IL1RAPL2: variants seen among roughly 807,000 people sequenced by gnomAD.
IL1RAPL2 encodes the protein interleukin 1 receptor accessory protein like 2, also known as X-linked interleukin-1 receptor accessory protein-like 2.
Under a neutral mutation model 44.1 loss-of-function variants are expected in IL1RAPL2, and 3 were observed. The observed-to-expected ratio is 0.07, with a 90% CI of 0.03 to 0.18. IL1RAPL2 has a LOEUF of 0.18. IL1RAPL2 is among the 10% of genes least tolerant of loss of function. IL1RAPL2 has a pLI of 1.00. For synonymous variants in IL1RAPL2, 181 were observed against 178.8 expected (o/e 1.01, Z -0.10); for missense variants, 391 against 496.4 (o/e 0.79, Z 2.02).
At chrX:105,521,101 A>ATT (rs560910539) in intron 6 of IL1RAPL2, among the ~76,000 whole-genome samples, 4,728 of 90,662 alleles carry the variant, frequency 0.052, 252 homozygotes, top group African/African-American at 0.14. Context: ...AGCCCGGCTA[A>ATT]TTTTTTTTTT....
chrX:104,846,872 T>C (rs2147638843), intron 2 of IL1RAPL2, among the ~76,000 whole-genome samples: 1 of 111,854 alleles, frequency 8.9e-6, no homozygotes, highest in African/African-American at 3.3e-5. Flanking sequence ...TTTCCTGACT[T>C]TTTAATAGTC....
intron 5 of IL1RAPL2, among the ~76,000 whole-genome samples, chrX:105,330,700 C>T (rs2034979412): frequency 9.0e-6 from 1 of 111,548 alleles, no homozygotes; most frequent in Non-Finnish European, 1.9e-5. Context: ...TCACACAAAC[C>T]TGAAATCCAA....
chrX:105,482,449 C>T (rs1233730379), intron 5 of IL1RAPL2, among the ~76,000 whole-genome samples: 2 of 111,529 alleles, frequency 1.8e-5, no homozygotes, highest in Admixed American at 1.9e-4. Context: ...TGTTCAATTC[C>T]ATAAGGACAA....
At chrX:105,204,634 T>C (rs1556149885) in intron 3 of IL1RAPL2, among the ~76,000 whole-genome samples, 1 of 112,393 alleles carries the variant, frequency 8.9e-6, no homozygotes, top group East Asian at 2.8e-4. Context: ...GACTCTTCTA[T>C]ACCTAACACT....
chrX:105,458,912 G>T (rs1284861519), intron 5 of IL1RAPL2, among the ~76,000 whole-genome samples: 2 of 111,375 alleles, frequency 1.8e-5, no homozygotes, highest in Admixed American at 9.6e-5. Flanking sequence ...TCCTCCAATG[G>T]CTGCTAGGCT....
At chrX:105,691,346 C>G (rs763958667) in intron 6 of IL1RAPL2, among the ~76,000 whole-genome samples, 1 of 110,849 alleles carries the variant, frequency 9.0e-6, no homozygotes, top group Admixed American at 9.8e-5. Flanking sequence ...CTTAATTGAA[C>G]TTGAGCTTAA....
intron 2 of IL1RAPL2, among the ~76,000 whole-genome samples, chrX:105,113,691 T>C (rs1430303779): frequency 4.5e-5 from 5 of 112,096 alleles, no homozygotes; most frequent in Non-Finnish European, 9.4e-5. Flanking sequence ...AGTCTCCATC[T>C]ATCTGTCCTG....
chrX:105,403,800 ATT>A (rs1441940997), intron 5 of IL1RAPL2, among the ~76,000 whole-genome samples: 2 of 110,882 alleles, frequency 1.8e-5, no homozygotes, highest in Non-Finnish European at 3.8e-5. Flanking sequence ...CTTTCCCCAC[ATT>A]TTCCCCTAAC....
At chrX:105,012,072 G>A (rs1040961767) in intron 2 of IL1RAPL2, among the ~76,000 whole-genome samples, 10 of 111,142 alleles carry the variant, frequency 9.0e-5, no homozygotes, top group Non-Finnish European at 1.7e-4. Context: ...TCACTTTTGG[G>A]AGAATTCAAA....
chrX:105,713,245 C>T (rs1158978092), intron 6 of IL1RAPL2, among the ~76,000 whole-genome samples: 1 of 111,768 alleles, frequency 8.9e-6, no homozygotes, highest in Non-Finnish European at 1.9e-5. Context: ...TATCAGGGCT[C>T]TGACCCCACA....
At chrX:105,608,927 C>T (rs1304905058) in intron 6 of IL1RAPL2, among the ~76,000 whole-genome samples, 1 of 111,381 alleles carries the variant, frequency 9.0e-6, no homozygotes, top group Admixed American at 9.6e-5. Flanking sequence ...CCACAAATTA[C>T]ACGGTGGCAA....
intron 2 of IL1RAPL2, among the ~76,000 whole-genome samples, chrX:105,116,672 G>A (rs954181467): frequency 8.9e-6 from 1 of 112,326 alleles, no homozygotes; most frequent in Admixed American, 9.4e-5. Context: ...ACTGAAGTTT[G>A]AAACGTCCTT....
At chrX:104,860,098 G>A (rs1221560035) in intron 2 of IL1RAPL2, among the ~76,000 whole-genome samples, 6 of 111,874 alleles carry the variant, frequency 5.4e-5, no homozygotes, top group Admixed American at 9.5e-5. Context: ...CTGCTTGGTC[G>A]ATAAATTAAA....
chrX:105,077,335 T>G (rs1032895700), intron 2 of IL1RAPL2, among the ~76,000 whole-genome samples: 1 of 111,875 alleles, frequency 8.9e-6, no homozygotes, highest in Non-Finnish European at 1.9e-5. Flanking sequence ...CATTCTGGGT[T>G]GAAAATTCTT....
At chrX:105,004,660 T>G (rs943263109) in intron 2 of IL1RAPL2, among the ~76,000 whole-genome samples, 3 of 111,148 alleles carry the variant, frequency 2.7e-5, no homozygotes, top group African/African-American at 9.8e-5. Flanking sequence ...TTTATTTTTA[T>G]CAAATTATGC....
intron 2 of IL1RAPL2, among the ~76,000 whole-genome samples, chrX:105,171,523 T>C (rs1210007451): frequency 9.0e-6 from 1 of 110,943 alleles, no homozygotes; most frequent in African/African-American, 3.3e-5. Flanking sequence ...GTTTATATTC[T>C]GAAGGGCAGT....
chrX:105,484,507 C>A, intron 6 of IL1RAPL2, 120 bp downstream of exon 6: 2 of 521,266 alleles, frequency 3.8e-6, no homozygotes, highest in Non-Finnish European at 3.5e-6. Flanking sequence ...AATTTGTGTT[C>A]TGCTCATTTA....
At chrX:105,026,560 C>A (rs1337884212) in intron 2 of IL1RAPL2, among the ~76,000 whole-genome samples, 1 of 110,505 alleles carries the variant, frequency 9.0e-6, no homozygotes, top group Non-Finnish European at 1.9e-5. Flanking sequence ...CAATATTGAA[C>A]AATCTGTAAA....
intron 10 of IL1RAPL2, among the ~76,000 whole-genome samples, chrX:105,757,089 A>G (rs776580120): frequency 8.9e-6 from 1 of 111,810 alleles, no homozygotes; most frequent in African/African-American, 3.3e-5. Context: ...CTAAACACTT[A>G]TACAATCTTT....
Sources: allele counts gnomAD v4.1 joint callset (sites outside exome capture counted in the v4.1 genomes callset), GRCh38; gene constraint gnomAD v4.1.1; transcripts MANE v1.5; gene names NCBI Gene and HGNC (gene_info 2026-07-23, HGNC 2026-07-21).